The following SEMA3D variants were observed in gnomAD, a reference collection of about 807,000 sequenced individuals.
The protein encoded by SEMA3D is semaphorin 3D, also known as semaphorin-3D.
Under a neutral mutation model 100.1 loss-of-function variants are expected in SEMA3D, and 84 were observed. The ratio of observed to expected loss-of-function variants is 0.84; its 90% confidence interval spans 0.70 to 1.01. The LOEUF is 1.01. Ranked by LOEUF, SEMA3D falls within the 50% of genes least tolerant of loss-of-function variation. The pLI is 0.00. For missense variants in SEMA3D, 875 were observed against 934.1 expected, an observed-to-expected ratio of 0.94 and a Z score of 0.82; for synonymous variants, 312 against 320.7, an observed-to-expected ratio of 0.97 and a Z score of 0.29.
chr7:85,186,026 GATGCAC>G (rs1192442409), intron 1 of SEMA3D, among the ~76,000 whole-genome samples: 2 of 152,262 alleles, frequency 1.3e-5, no homozygotes, highest in East Asian at 3.9e-4. Flanking sequence ...AATCTAAAAG[GATGCAC>G]ACTTCCATCA....
chr7:85,145,873 C>T (rs978785976), intron 2 of SEMA3D, among the ~76,000 whole-genome samples: 2 of 152,090 alleles, frequency 1.3e-5, no homozygotes, highest in Non-Finnish European at 2.9e-5. Context: ...TTCCCCTATA[C>T]ATTTTTTTCT....
intron 1 of SEMA3D, among the ~76,000 whole-genome samples, chr7:85,175,142 C>T (rs568402847): frequency 7.9e-5 from 12 of 152,090 alleles, no homozygotes; most frequent in African/African-American, 2.7e-4. Flanking sequence ...GGCCTGAATG[C>T]GATTGTGATT....
chr7:85,213,421 T>C, the SEMA3D span, among the ~76,000 whole-genome samples: 1 of 152,084 alleles, frequency 6.6e-6, no homozygotes, highest in African/African-American at 2.4e-5. Flanking sequence ...CATTTATATG[T>C]TATCAGATGA....
At chr7:85,197,037 TG>T in the SEMA3D span, among the ~76,000 whole-genome samples, 70,196 of 151,712 alleles carry the variant, frequency 0.46, 17,421 homozygotes, top group East Asian at 0.72. Context: ...TCCTGTATAT[TG>T]TGACTTACTT....
the SEMA3D span, among the ~76,000 whole-genome samples, chr7:85,213,139 CATT>C: frequency 2.0e-5 from 3 of 151,982 alleles, no homozygotes; most frequent in Non-Finnish European, 4.4e-5. Context: ...CAATCACAAT[CATT>C]ATATGTTGAA....
chr7:85,249,405 AG>A, the SEMA3D span, among the ~76,000 whole-genome samples: 9 of 152,320 alleles, frequency 5.9e-5, no homozygotes, highest in African/African-American at 1.9e-4. Flanking sequence ...AATAGAAAAA[AG>A]GACAGTAGGA....
chr7:85,196,145 TC>T, the SEMA3D span, among the ~76,000 whole-genome samples: 1 of 152,132 alleles, frequency 6.6e-6, no homozygotes, highest in Admixed American at 6.6e-5. Context: ...AGCAGCTTTT[TC>T]CCCCGCAACA....
chr7:85,000,159 A>C (rs1206476005), intron 18 of SEMA3D, among the ~76,000 whole-genome samples: 1 of 152,146 alleles, frequency 6.6e-6, no homozygotes, highest in African/African-American at 2.4e-5. Context: ...AGGAATGAAA[A>C]ACTGTGAAAA....
At chr7:85,180,415 C>T (rs577627104) in intron 1 of SEMA3D, among the ~76,000 whole-genome samples, 13 of 152,154 alleles carry the variant, frequency 8.5e-5, no homozygotes, top group African/African-American at 1.2e-4. Flanking sequence ...ATTACTCAAT[C>T]TTGGATATGT....
At chr7:85,227,569 G>A in the SEMA3D span, among the ~76,000 whole-genome samples, 1 of 152,030 alleles carries the variant, frequency 6.6e-6, no homozygotes, top group Non-Finnish European at 1.5e-5. Flanking sequence ...TTGTTTATAA[G>A]CTACCCAGTT....
chr7:85,007,806 A>C (rs1307812613), intron 17 of SEMA3D, among the ~76,000 whole-genome samples: 1 of 151,834 alleles, frequency 6.6e-6, no homozygotes, highest in Non-Finnish European at 1.5e-5. Context: ...CTTACTTAGC[A>C]CTATAGACAT....
chr7:85,136,764 A>G (rs1191008763), intron 2 of SEMA3D, among the ~76,000 whole-genome samples: 2 of 152,104 alleles, frequency 1.3e-5, no homozygotes, highest in East Asian at 1.9e-4. Flanking sequence ...GAACAATTCA[A>G]TTCTGATGTT....
At chr7:85,057,787 C>T (rs137969114) in intron 8 of SEMA3D, among the ~76,000 whole-genome samples, 81 of 151,992 alleles carry the variant, frequency 5.3e-4, no homozygotes, top group African/African-American at 1.0e-3. Flanking sequence ...AAAAGTTAGC[C>T]GGGCATGGTG....
intron 2 of SEMA3D, chr7:85,143,019 T>C: frequency 3.1e-6 from 3 of 958,700 alleles, no homozygotes; most frequent in Non-Finnish European, 3.7e-6. Context: ...TCAATAAATA[T>C]GGCTTTCATA....
chr7:85,191,236 G>T (rs560732299), upstream of SEMA3D, among the ~76,000 whole-genome samples: 3 of 152,058 alleles, frequency 2.0e-5, no homozygotes, highest in Non-Finnish European at 4.4e-5. Flanking sequence ...GGTTTTCCAC[G>T]CCTGATATAG....
intron 17 of SEMA3D, among the ~76,000 whole-genome samples, chr7:85,009,010 G>A (rs987426525): frequency 6.6e-6 from 1 of 151,608 alleles, no homozygotes; most frequent in African/African-American, 2.4e-5. Context: ...CTGATAAAAT[G>A]CGGAATCCAA....
chr7:85,158,731 C>T (rs866840866), intron 1 of SEMA3D, among the ~76,000 whole-genome samples: 17 of 152,206 alleles, frequency 1.1e-4, no homozygotes, highest in African/African-American at 2.6e-4. Context: ...CGGGGCATCA[C>T]GGAACCTGCC....
At chr7:85,159,630 T>G (rs1790690995) in intron 1 of SEMA3D, among the ~76,000 whole-genome samples, 1 of 152,144 alleles carries the variant, frequency 6.6e-6, no homozygotes, top group African/African-American at 2.4e-5. Flanking sequence ...ATCCAAAAAT[T>G]TATTATGGCT....
intron 8 of SEMA3D, among the ~76,000 whole-genome samples, chr7:85,059,811 C>T (rs1046618706): frequency 6.6e-6 from 1 of 152,032 alleles, no homozygotes; most frequent in Non-Finnish European, 1.5e-5. Flanking sequence ...TAAAATAGAA[C>T]ATAATGATAA....
Sources: allele counts gnomAD v4.1 joint callset (sites outside exome capture counted in the v4.1 genomes callset), GRCh38; gene constraint gnomAD v4.1.1; transcripts MANE v1.5; gene names NCBI Gene and HGNC (gene_info 2026-07-23, HGNC 2026-07-21).